MRTFB: variants seen among roughly 807,000 people sequenced by gnomAD.
MRTFB encodes the protein myocardin-related transcription factor B.
MRTFB carries 29 observed loss-of-function variants against 104.2 expected under a neutral mutation model. That is an observed-to-expected ratio of 0.28 (90% CI 0.21 to 0.38). MRTFB has a LOEUF of 0.38. Among genes scored for constraint, MRTFB ranks in the 10% least tolerant of loss-of-function variants. The probability of loss-of-function intolerance (pLI) is 1.00; values close to 1 mark genes in which losing one functional copy is unlikely to be tolerated. For missense variants in MRTFB, 1,270 were observed against 1,341.6 expected (o/e 0.95, Z 0.83); for synonymous variants, 535 against 519.5 (o/e 1.03, Z -0.41).
intron 15 of MRTFB, 61 bp downstream of exon 15, chr16:14,252,563 G>A (rs953438256): frequency 1.2e-5 from 19 of 1,594,092 alleles, no homozygotes; most frequent in African/African-American, 4.0e-5. Flanking sequence ...GTTCAGTCTC[G>A]AGCAGACCTA....
Position 14,260,991 on chromosome 16 carries a change from G to A in MRTFB, c.2847G>A (p.Val949=), listed in dbSNP as rs1389881412. Residue 949 remains valine (V), a synonymous_variant, in exon 17 of 17, where the codon GTG becomes GTA. Transcript: ENST00000571589. ...CAGCCAGCATCACCACAATGCCAGTGAATACAGTGGTGTCCCGGCCACCAC... is the reference window on the plus strand; with the variant it reads ...CAGCCAGCATCACCACAATGCCAGTAAATACAGTGGTGTCCCGGCCACCAC... ...PVTASITTMP[V]NTVVSRPPPQ... 1 of 1,614,004 alleles carries A rather than the reference G, an allele frequency of 6.2e-7. No individual in the cohort carries two copies. The highest frequency in any genetic ancestry group is 8.5e-7 in the Non-Finnish European group (1 of 1,180,036).
intron 3 of MRTFB, among the ~76,000 whole-genome samples, chr16:14,195,010 G>T (rs550476619): frequency 4.9e-4 from 74 of 152,230 alleles, no homozygotes; most frequent in African/African-American, 1.8e-3. Flanking sequence ...ATGCACACAG[G>T]CTGGCAATTT....
intron 2 of MRTFB, among the ~76,000 whole-genome samples, chr16:14,090,541 A>G (rs1448100291): frequency 2.0e-5 from 3 of 152,206 alleles, no homozygotes; most frequent in Non-Finnish European, 4.4e-5. Context: ...CTCACATGCC[A>G]TGCTAGAAGC....
At chr16:14,144,108 A>C (rs572719475) in intron 3 of MRTFB, 1 of 152,298 alleles carries the variant, frequency 6.6e-6, no homozygotes, top group East Asian at 1.9e-4. Context: ...TTCTGATTAA[A>C]ATATTTCTGT....
intron 9 of MRTFB, among the ~76,000 whole-genome samples, chr16:14,235,102 A>G (rs774205956): frequency 6.6e-6 from 1 of 152,202 alleles, no homozygotes. Context: ...ATCCAAGTCT[A>G]GCTCTCTCCT....
chr16:14,138,577 T>C (rs2037839196), intron 2 of MRTFB, among the ~76,000 whole-genome samples: 1 of 152,210 alleles, frequency 6.6e-6, no homozygotes, highest in Non-Finnish European at 1.5e-5. Flanking sequence ...TTGCAAGCTG[T>C]CTTTTCTTTG....
the MRTFB span, among the ~76,000 whole-genome samples, chr16:14,059,719 C>T: frequency 7.9e-5 from 12 of 152,154 alleles, no homozygotes; most frequent in Admixed American, 2.0e-4. Context: ...GAAAGACAGG[C>T]GTGAGCCAAA....
chr16:14,197,149 T>C (rs2040474920), intron 3 of MRTFB, among the ~76,000 whole-genome samples: 1 of 151,746 alleles, frequency 6.6e-6, no homozygotes, highest in African/African-American at 2.4e-5. Context: ...TGGCTGATCT[T>C]TGTATTTTTA....
chr16:14,014,160 C>T, the MRTFB span, among the ~76,000 whole-genome samples: 1 of 152,108 alleles, frequency 6.6e-6, no homozygotes, highest in African/African-American at 2.4e-5. Context: ...AAATAAATCA[C>T]GGTGTTTCCC....
At chr16:14,072,644 C>T (rs1165263362) in intron 1 of MRTFB, among the ~76,000 whole-genome samples, 1 of 152,174 alleles carries the variant, frequency 6.6e-6, no homozygotes, top group Non-Finnish European at 1.5e-5. Context: ...GTGATTGCAC[C>T]ACTGCCCTCC....
chr16:14,038,907 C>T, the MRTFB span, among the ~76,000 whole-genome samples: 2 of 152,160 alleles, frequency 1.3e-5, no homozygotes, highest in Non-Finnish European at 2.9e-5. Flanking sequence ...TCTTACATGG[C>T]AGCAGGCAAG....
At chr16:14,101,888 A>G (rs543705782) in intron 2 of MRTFB, among the ~76,000 whole-genome samples, 8 of 152,338 alleles carry the variant, frequency 5.3e-5, no homozygotes, top group African/African-American at 1.9e-4. Flanking sequence ...GAGTGAAACC[A>G]GCCTAATGTA....
intron 1 of MRTFB, among the ~76,000 whole-genome samples, chr16:14,072,829 C>T (rs1330587568): frequency 2.6e-5 from 4 of 152,150 alleles, no homozygotes; most frequent in South Asian, 2.1e-4. Flanking sequence ...TCAATAAATA[C>T]GTAAATATTA....
intron 2 of MRTFB, among the ~76,000 whole-genome samples, chr16:14,093,071 G>T (rs1567313767): frequency 6.6e-6 from 1 of 151,988 alleles, no homozygotes; most frequent in Admixed American, 6.6e-5. Context: ...TTTGACTTTG[G>T]TTTTTTTACC....
chr16:14,138,888 A>G (rs2037857985), intron 2 of MRTFB, among the ~76,000 whole-genome samples: 2 of 152,242 alleles, frequency 1.3e-5, no homozygotes, highest in African/African-American at 2.4e-5. Context: ...AAAAACCTGA[A>G]AAAAAGTTGA....
Position 14,243,420 on chromosome 16 carries a change from G to A in MRTFB, c.1080-2108G>A, listed in dbSNP as rs2042866728. ...ACTGTCACCTCAAATCCCTGTTTCA[G>A]AATGTGGAATTCCAAGTCTCTTGGC... is the stretch of plus-strand genomic sequence containing the variant. On this transcript the variant is annotated intron_variant, in intron 10 of 16. Coordinates refer to ENST00000571589, the MANE Select transcript of MRTFB (RefSeq NM_001308142.2). Among the ~76,000 whole-genome samples, 4 of 152,196 alleles carry A rather than the reference G, an allele frequency of 2.6e-5. No individual in the cohort carries two copies. The South Asian group carries it at 8.3e-4, about 31-fold the overall frequency.
intron 2 of MRTFB, among the ~76,000 whole-genome samples, chr16:14,103,833 TA>T (rs920380755): frequency 6.6e-6 from 1 of 152,230 alleles, no homozygotes; most frequent in African/African-American, 2.4e-5. Flanking sequence ...GTAGCAGTTT[TA>T]AAGAGGCAAC....
the MRTFB span, among the ~76,000 whole-genome samples, chr16:14,004,813 C>T: frequency 2.6e-5 from 4 of 152,248 alleles, no homozygotes; most frequent in African/African-American, 9.6e-5. Context: ...GGAATTACCT[C>T]CATGACAGCT....
chr16:14,247,322 C>A lies in MRTFB; in HGVS notation c.2062C>A (p.Gln688Lys). ...TATCAAGCAAGAGGTCCCTGTGGGCCAGGCAGAGCAGCAGAGTGTCGTCTC... is the reference window on the plus strand; with the variant it reads ...TATCAAGCAAGAGGTCCCTGTGGGCAAGGCAGAGCAGCAGAGTGTCGTCTC... ...VVIKQEVPVG[Q>K]AEQQSVVSQF... The change falls in exon 12 of 17, where the codon CAG becomes AAG. Residue 688 changes from glutamine (Q) to lysine (K), a missense_variant. Gln to Lys is a moderately conservative substitution (Grantham distance 53). Around this residue, in one of 3 missense-constraint regions of MRTFB, gnomAD observed 1,144 missense variants for 1,131.5 expected, o/e 1.01. Transcript: ENST00000571589. 2 of 1,614,204 alleles carry A rather than the reference C, an allele frequency of 1.2e-6. No homozygotes were observed. The highest frequency in any genetic ancestry group is 2.2e-5 in the South Asian group (2 of 91,084).
Sources: gnomAD v4.1 joint callset for allele counts (sites outside exome capture counted in the v4.1 genomes callset) on GRCh38, gnomAD v4.1.1 for gene constraint, gnomAD v4.1.1 regional missense constraint, MANE v1.5 for transcripts, NCBI Gene and HGNC (gene_info 2026-07-23, HGNC 2026-07-21) for gene names.